Variants in THOC7 observed in about 807,000 individuals in gnomAD.
THOC7 encodes the protein THO complex subunit 7, also known as NIF3L1-binding protein 1.
THOC7 carries 22 observed loss-of-function variants against 33.1 expected under a neutral mutation model. That is an observed-to-expected ratio of 0.66 (90% CI 0.47 to 0.95). The LOEUF (loss-of-function observed/expected upper bound fraction) is 0.95, where lower values mean the gene tolerates loss of function less well. Among genes scored for constraint, THOC7 ranks in the 40% least tolerant of loss-of-function variants. THOC7 has a pLI of 0.00. For synonymous variants in THOC7, 77 were observed against 76.8 expected, an observed-to-expected ratio of 1.00 and a Z score of -0.01; for missense variants, 184 against 245.3, an observed-to-expected ratio of 0.75 and a Z score of 1.67.
intron 1 of THOC7, among the ~76,000 whole-genome samples, chr3:63,847,509 G>A (rs1444695428): frequency 5.9e-5 from 9 of 152,290 alleles, no homozygotes; most frequent in African/African-American, 1.9e-4. Flanking sequence ...AGGCAGAGGC[G>A]AGCGGATCAC....
chr3:63,838,350 T>G, intron 3 of THOC7, 22 bp downstream of exon 3: 1 of 1,404,912 alleles, frequency 7.1e-7, no homozygotes, highest in Non-Finnish European at 9.8e-7. Flanking sequence ...AAATTACAGA[T>G]AGAAACATTA....
At chr3:63,845,727 T>C (rs1701877851) in intron 1 of THOC7, among the ~76,000 whole-genome samples, 2 of 152,284 alleles carry the variant, frequency 1.3e-5, no homozygotes, top group South Asian at 4.1e-4. Flanking sequence ...GCCAAAGCCA[T>C]TTTGGCTTTG....
intron 2 of THOC7, 87 bp from the exon 3 acceptor site, chr3:63,838,586 T>G: frequency 7.8e-7 from 1 of 1,277,086 alleles, no homozygotes; most frequent in Non-Finnish European, 1.1e-6. Context: ...ATTTGCTAAT[T>G]AAATTATAGC....
At chr3:63,847,718 C>CA in intron 1 of THOC7, among the ~76,000 whole-genome samples, 1 of 152,066 alleles carries the variant, frequency 6.6e-6, no homozygotes, top group South Asian at 2.1e-4. Context: ...GTCTGGGCAA[C>CA]AGAGTGAGAC....
chr3:63,857,052 G>A (rs1344155666), intron 1 of THOC7, among the ~76,000 whole-genome samples: 2 of 152,086 alleles, frequency 1.3e-5, no homozygotes, highest in East Asian at 3.9e-4. Context: ...TTTTACCAAT[G>A]AAAAAGCATC....
chr3:63,845,169 T>C (rs55718599), intron 1 of THOC7: 114 of 558,796 alleles, frequency 2.0e-4, no homozygotes, highest in African/African-American at 1.9e-3. Flanking sequence ...ATCTGAGCTC[T>C]GCTCTCTTTA....
chr3:63,835,299 G>A, intron 6 of THOC7, 25 bp downstream of exon 6: 1 of 1,613,144 alleles, frequency 6.2e-7, no homozygotes, highest in Non-Finnish European at 8.5e-7. Flanking sequence ...GACAGATCAT[G>A]AAGGCTAAAT....
chr3:63,841,454 T>C (rs998589205), intron 1 of THOC7, among the ~76,000 whole-genome samples: 4 of 152,252 alleles, frequency 2.6e-5, no homozygotes, highest in African/African-American at 7.2e-5. Flanking sequence ...AGAGCCTCCA[T>C]GCTGAATCAA....
chr3:63,835,051 T>C (rs1051692014), intron 7 of THOC7, 103 bp downstream of exon 7: 22 of 1,133,198 alleles, frequency 1.9e-5, no homozygotes, highest in South Asian at 4.6e-5. Context: ...TGTTCAGAAA[T>C]TGAAGGTATA....
chr3:63,846,666 C>A (rs1169080330), intron 1 of THOC7, among the ~76,000 whole-genome samples: 3 of 152,110 alleles, frequency 2.0e-5, no homozygotes, highest in African/African-American at 7.2e-5. Context: ...CCACCTCGGC[C>A]TCCTAAAGTG....
rs767146885 is a variant in THOC7 at position 63,834,166 on chromosome 3, T to C, written c.581A>G (p.Gln194Arg). The change falls in exon 8 of 8, where the codon CAG (glutamine) becomes CGG (arginine). Residue 194 changes from glutamine (Q) to arginine (R), a missense_variant. This residue lies in a region of THOC7 where 25 missense variants were observed against 26.5 expected (regional missense o/e 0.94). Coordinates refer to ENST00000295899, the MANE Select transcript of THOC7 (RefSeq NM_025075.4). ...DEKLSEVEEA[Q>R]EASMETDPKP ...AGGATCTGTTTCCATGCTTGCTTCCTGAGCTTCTTCTACCTCTGAGAGTTT... is the reference window on the plus strand; with the variant it reads ...AGGATCTGTTTCCATGCTTGCTTCCCGAGCTTCTTCTACCTCTGAGAGTTT... The C allele has an allele frequency of 5.6e-6, 9 of 1,613,996 alleles. No homozygotes were observed. Among genetic ancestry groups the C allele is most frequent in the Admixed American group, 3.3e-5 (2 of 60,006 alleles).
upstream of THOC7, chr3:63,863,991 C>G (rs1439904355): frequency 1.3e-5 from 2 of 149,560 alleles, no homozygotes; most frequent in African/African-American, 4.9e-5. Flanking sequence ...GACCCGCGCT[C>G]CCCGCGCTCC....
intron 1 of THOC7, among the ~76,000 whole-genome samples, chr3:63,843,403 C>G (rs1192628032): frequency 6.6e-6 from 1 of 152,090 alleles, no homozygotes; most frequent in African/African-American, 2.4e-5. Flanking sequence ...CAGGCATGAG[C>G]CACTGTGCCA....
At chr3:63,859,038 T>TA (rs1325101823) in intron 1 of THOC7, among the ~76,000 whole-genome samples, 3 of 152,210 alleles carry the variant, frequency 2.0e-5, no homozygotes, top group African/African-American at 7.2e-5. Flanking sequence ...CATTGGCTCT[T>TA]ATGTAAGCTC....
chr3:63,835,039 A>G, intron 7 of THOC7, 115 bp downstream of exon 7: 1 of 998,906 alleles, frequency 1.0e-6, no homozygotes, highest in Non-Finnish European at 1.5e-6. Context: ...ATCCAGCTAC[A>G]CTGTTCAGAA....
chr3:63,860,679 T>C (rs907393004), intron 1 of THOC7: 2 of 152,318 alleles, frequency 1.3e-5, no homozygotes, highest in African/African-American at 4.8e-5. Context: ...CTCCTGCATT[T>C]TGAGGATCAC....
Position 63,843,628 on chromosome 3 carries a change from T to C in THOC7, c.20-3855A>G, listed in dbSNP as rs144744061. ...AATTAAAAAAAATGTGGGCTGGGCG[T>C]GGTGGCTCACGCCTGTAATCCCAGC... On this transcript the variant is annotated intron_variant, in intron 1 of 7. Coordinates refer to ENST00000295899, the MANE Select transcript of THOC7 (RefSeq NM_025075.4). Among the ~76,000 whole-genome samples, 403 of 151,906 alleles carry C rather than the reference T, an allele frequency of 2.7e-3. 1 individual carries two copies. Among genetic ancestry groups the C allele is most frequent in the African/African-American group, 9.0e-3 (375 of 41,448 alleles).
At chr3:63,840,044 G>T (rs1415399227) in intron 1 of THOC7, among the ~76,000 whole-genome samples, 1 of 152,108 alleles carries the variant, frequency 6.6e-6, no homozygotes, top group Non-Finnish European at 1.5e-5. Flanking sequence ...TACTATTCTA[G>T]GGGCTGGAGT....
At chr3:63,863,829 CTGA>C, upstream of THOC7, 1 of 1,227,296 alleles carries the variant, frequency 8.1e-7, no homozygotes, top group Non-Finnish European at 1.0e-6. Flanking sequence ...GCGGCGCAAG[CTGA>C]GGCGGCGGTT....
Sources: gnomAD v4.1 joint callset for allele counts (sites outside exome capture counted in the v4.1 genomes callset) on GRCh38, gnomAD v4.1.1 for gene constraint, gnomAD v4.1.1 regional missense constraint, MANE v1.5 for transcripts, NCBI Gene and HGNC (gene_info 2026-07-23, HGNC 2026-07-21) for gene names.